Variants in SEMA3B observed in about 807,000 individuals in gnomAD.
SEMA3B encodes the protein semaphorin 3B, also known as semaphorin-3B.
A neutral mutation model predicts 77.8 loss-of-function variants in SEMA3B; 71 were observed. The ratio of observed to expected loss-of-function variants is 0.91; its 90% CI spans 0.75 to 1.11. The LOEUF (loss-of-function observed/expected upper bound fraction) is 1.11. Ranked by LOEUF, SEMA3B falls within the 50% of genes most tolerant of loss-of-function variation. SEMA3B has a pLI of 0.00. For missense variants in SEMA3B, 968 were observed against 1,056.8 expected, an observed-to-expected ratio of 0.92 and a Z score of 1.17; for synonymous variants, 470 against 452.9, an observed-to-expected ratio of 1.04 and a Z score of -0.48.
In SEMA3B at chr3:50,273,266, A is replaced by G. The variant is rs1553705703; in HGVS notation, c.665-32A>G. 1.2e-6 allele frequency: 2 copies of G among 1,603,274 alleles called. No individual in the cohort carries two copies. Among genetic ancestry groups the G allele is most frequent in the East Asian group, 4.5e-5 (2 of 44,546 alleles). ...TCTCGCATCAGGAGGCAAGGCCAGGACCCGCTGACCCATGCCTCCTGCCGC... is the reference window on the plus strand; with the variant it reads ...TCTCGCATCAGGAGGCAAGGCCAGGGCCCGCTGACCCATGCCTCCTGCCGC... On this transcript the variant is annotated intron_variant, in intron 6 of 16. Coordinates refer to ENST00000616701, the MANE Select transcript of SEMA3B (RefSeq NM_001290060.2). This position sits in a 1 kb window ranked among gnomAD's most constrained non-coding sequence, Gnocchi z 6.5.
chr3:50,276,668 C>T lies in SEMA3B; in HGVS notation c.2212C>T (p.Arg738Cys), dbSNP rs782766477. 49 of 1,571,280 alleles carry T rather than the reference C, an allele frequency of 3.1e-5. No homozygotes were observed. The highest frequency in any genetic ancestry group is 4.1e-5 in the Non-Finnish European group (48 of 1,165,626). ...CCGGAGGACCCACGCCCCTGAGCCTCGCGCTGAGCGGGGGCCGCGCAGCGC... is the reference window on the plus strand; with the variant it reads ...CCGGAGGACCCACGCCCCTGAGCCTTGCGCTGAGCGGGGGCCGCGCAGCGC... Reference protein sequence around the residue: ...RNRRTHAPEPRAERGPRSATH... With the variant: ...RNRRTHAPEPCAERGPRSATH... Residue 738 changes from arginine to cysteine, a missense_variant, in exon 17 of 17, where the codon CGC becomes TGC. By Grantham distance (180) the Arg-to-Cys change is radical. Coordinates refer to ENST00000616701, the MANE Select transcript of SEMA3B (RefSeq NM_001290060.2). This position sits in a 1 kb window ranked among gnomAD's most constrained non-coding sequence, Gnocchi z 5.8.
Position 50,270,591 on chromosome 3 carries a change from G to A in SEMA3B, c.330+96G>A, listed in dbSNP as rs892797222. 9.0e-6 allele frequency: 14 copies of A among 1,554,316 alleles called. No individual in the cohort carries two copies. In the African/African-American group the frequency reaches 1.5e-4, roughly 17 times the overall value. On this transcript the variant is annotated intron_variant, in intron 3 of 16. Transcript: ENST00000616701. The surrounding 1 kb of genome is among the most constrained non-coding windows in gnomAD (Gnocchi z 4.7). The stretch of plus-strand genomic sequence containing the variant: ...AACAGAGGCCTGCCTGTTCTGGCTG[G>A]GATGAGGGCAGGGAGGTCGAGGTGG...
upstream of SEMA3B, among the ~76,000 whole-genome samples, chr3:50,268,369 C>T (rs1431156721): frequency 1.3e-5 from 2 of 152,220 alleles, no homozygotes; most frequent in African/African-American, 4.8e-5. Flanking sequence ...CTTGCATGCC[C>T]AGAGACATGT....
In SEMA3B at chr3:50,269,462, ACT is replaced by A. The variant is rs1700985685; in HGVS notation, c.109+116_109+117del. On this transcript the variant is annotated intron_variant, in intron 1 of 16. Coordinates refer to ENST00000616701, the MANE Select transcript of SEMA3B (RefSeq NM_001290060.2). This position sits in a 1 kb window ranked among gnomAD's most constrained non-coding sequence, Gnocchi z 4.0. Reference sequence around the variant, plus strand: ...GCCCCATGTGCGTGCCTGTCACCAGACTCTGGTAGGATTAGTGGGCACTCTCA... The same window carrying A: ...GCCCCATGTGCGTGCCTGTCACCAGACTGGTAGGATTAGTGGGCACTCTCA... 3 of 660,760 alleles carry A rather than the reference ACT, an allele frequency of 4.5e-6. No individual in the cohort carries two copies. The Admixed American group carries it at 9.4e-5, about 21-fold the overall frequency. 40.9% of individuals were successfully genotyped at this position (660,760 alleles called of 1,614,324 possible).
Position 50,273,778 on chromosome 3 carries a change from C to G in SEMA3B, c.942C>G (p.Ser314=), listed in dbSNP as rs1553705891. Residue 314 remains serine, a synonymous_variant, in exon 9 of 17, where the codon TCC becomes TCG. Transcript: ENST00000616701. The surrounding 1 kb of genome is among the most constrained non-coding windows in gnomAD (Gnocchi z 6.5). ...CCGCAGAGGATGTGTTTCTGTTGTC[C>G]TCGCGGGACCACCGGACCCCGCTGC... is the stretch of plus-strand genomic sequence containing the variant. ...FDQLQDVFLL[S]SRDHRTPLLY... 1.9e-6 allele frequency: 3 copies of G among 1,596,016 alleles called. No individual in the cohort carries two copies. The highest frequency in any genetic ancestry group is 3.5e-5 in the Admixed American group (2 of 57,580).
At position 50,274,578 on chromosome 3, in the gene SEMA3B, C is replaced by T. The variant is rs367917587; in HGVS notation, c.1353C>T (p.Gly451=). 2 of 1,534,616 alleles carry T rather than the reference C, an allele frequency of 1.3e-6. No individual in the cohort carries two copies. Among genetic ancestry groups the T allele is most frequent in the African/African-American group, 1.4e-5 (1 of 72,330 alleles). ...ADGHYDVLFI[G]TDVGTVLKVI... is the part of the protein sequence containing the mutation. Reference sequence around the variant, plus strand: ...GACACTATGACGTCCTCTTCATTGGCACAGGTCAGGGTCCCTCCACAGCGA... The same window carrying T: ...GACACTATGACGTCCTCTTCATTGGTACAGGTCAGGGTCCCTCCACAGCGA... The change falls in exon 11 of 17, where the codon GGC becomes GGT. Residue 451 remains glycine, a synonymous_variant. Transcript: ENST00000616701. This position sits in a 1 kb window ranked among gnomAD's most constrained non-coding sequence, Gnocchi z 4.7.
Position 50,274,598 on chromosome 3 carries a change from C to A in SEMA3B, c.1357+16C>A. On this transcript the variant is annotated intron_variant, in intron 11 of 16. Transcript: ENST00000616701. This position sits in a 1 kb window ranked among gnomAD's most constrained non-coding sequence, Gnocchi z 4.7. Reference sequence around the variant, plus strand: ...ATTGGCACAGGTCAGGGTCCCTCCACAGCGACCCCCAGGCTCCCAGCCAGG... The same window carrying A: ...ATTGGCACAGGTCAGGGTCCCTCCAAAGCGACCCCCAGGCTCCCAGCCAGG... The A allele has an allele frequency of 6.6e-7, 1 of 1,517,224 alleles. No individual in the cohort carries two copies. The highest frequency in any genetic ancestry group is 8.8e-7 in the Non-Finnish European group (1 of 1,131,692). The allele number at this position is 1,517,224 out of a possible 1,614,324, so 94.0% of individuals were successfully genotyped here. A position where few individuals can be genotyped will look rare whatever the true frequency, so the allele number is the denominator to read the frequency against.
chr3:50,271,319 A>G, intron 5 of SEMA3B, 42 bp from the exon 6 acceptor site: 1 of 1,553,832 alleles, frequency 6.4e-7, no homozygotes, highest in Non-Finnish European at 8.7e-7. Flanking sequence ...TCCTGCCCCA[A>G]GAGCCCTCCA....
At chr3:50,261,517 A>T in the SEMA3B span, 2 of 152,546 alleles carry the variant, frequency 1.3e-5, no homozygotes, top group Non-Finnish European at 2.9e-5. Flanking sequence ...GAGTAGAGGG[A>T]AACTCAGTGA....
chr3:50,270,650 C>T lies in SEMA3B; in HGVS notation c.330+155C>T. On this transcript the variant is annotated intron_variant, in intron 3 of 16. Coordinates refer to ENST00000616701, the MANE Select transcript of SEMA3B (RefSeq NM_001290060.2). The surrounding 1 kb of genome is among the most constrained non-coding windows in gnomAD (Gnocchi z 4.7). ...TGGGGGTGGTGAGTCAGGGTGGGGG[C>T]TCGTGTAATTCTTCTGGGGTGCCTC... 1 of 1,157,616 alleles carries T rather than the reference C, an allele frequency of 8.6e-7. No individual in the cohort carries two copies. The highest frequency in any genetic ancestry group is 1.2e-6 in the Non-Finnish European group (1 of 826,800). The allele number at this position is 1,157,616 out of a possible 1,614,324, so 71.7% of individuals were successfully genotyped here.
At chr3:50,268,532 CACTA>C (rs1700959699), upstream of SEMA3B, among the ~76,000 whole-genome samples, 2 of 152,368 alleles carry the variant, frequency 1.3e-5, no homozygotes, top group South Asian at 4.1e-4. Context: ...CAATATGACA[CACTA>C]TATATTTGCA....
Position 50,276,093 on chromosome 3 carries a change from C to T in SEMA3B, c.1846-209C>T. 2 of 768,380 alleles carry T rather than the reference C, an allele frequency of 2.6e-6. No homozygotes were observed. The highest frequency in any genetic ancestry group is 4.0e-6 in the Non-Finnish European group (2 of 504,972). 47.6% of individuals were successfully genotyped at this position (768,380 alleles called of 1,614,324 possible). On this transcript the variant is annotated intron_variant, in intron 16 of 16. Transcript: ENST00000616701. This position sits in a 1 kb window ranked among gnomAD's most constrained non-coding sequence, Gnocchi z 5.8. ...CATTAAGGTCCCTGACCACCCCCCA[C>T]CAAGTTCATGTAAACCCCGCCTCTT...
At chr3:50,261,788 C>T in the SEMA3B span, 3 of 152,244 alleles carry the variant, frequency 2.0e-5, no homozygotes, top group Admixed American at 2.0e-4. Flanking sequence ...TTCACCCCAC[C>T]CCACCCAAAC....
Position 50,270,239 on chromosome 3 carries a change from T to C in SEMA3B, c.222T>C (p.His74=), listed in dbSNP as rs782722065. ...GCCTGTTTGTGGGTGCCGAGAACCATGTGGCCTCCCTCAACCTGGACAACA... is the reference window on the plus strand; with the variant it reads ...GCCTGTTTGTGGGTGCCGAGAACCACGTGGCCTCCCTCAACCTGGACAACA... ...RGRLFVGAEN[H]VASLNLDNIS... The change falls in exon 2 of 17, where the codon CAT becomes CAC. Residue 74 remains histidine (H), a synonymous_variant. Coordinates refer to ENST00000616701, the MANE Select transcript of SEMA3B (RefSeq NM_001290060.2). The surrounding 1 kb of genome is among the most constrained non-coding windows in gnomAD (Gnocchi z 4.7). The C allele has an allele frequency of 2.9e-5, 47 of 1,612,904 alleles. No individual in the cohort carries two copies. Among genetic ancestry groups the C allele is most frequent in the Non-Finnish European group, 3.6e-5 (43 of 1,179,578 alleles).
At chr3:50,263,496 C>T (rs1553704162), upstream of SEMA3B, 1 of 75,556 alleles carries the variant, frequency 1.3e-5, no homozygotes, top group African/African-American at 5.4e-5. Context: ...AAGATCCTGT[C>T]TCAAAAAAAA....
chr3:50,271,001 CGGGCAGA>C lies in SEMA3B; in HGVS notation c.445_450+1del. 1.2e-6 allele frequency: 2 copies of C among 1,603,400 alleles called. No individual in the cohort carries two copies. Among genetic ancestry groups the C allele is most frequent in the African/African-American group, 2.7e-5 (2 of 74,824 alleles). Reference sequence around the variant, plus strand: ...CTGTGCCTTTGTGGAAGTGGGCCACCGGGCAGAGGTAAGGCCGGATCTAGGCAGGGAG... The same window carrying C: ...CTGTGCCTTTGTGGAAGTGGGCCACCGGTAAGGCCGGATCTAGGCAGGGAG... On this transcript the variant is annotated frameshift_variant and splice_region_variant, in exon 4 of 17. Coordinates refer to ENST00000616701, the MANE Select transcript of SEMA3B (RefSeq NM_001290060.2). LOFTEE classifies it high-confidence loss of function.
At position 50,270,568 on chromosome 3, in the gene SEMA3B, CAG is replaced by C; in HGVS notation, c.330+76_330+77del. The C allele has an allele frequency of 6.3e-7, 1 of 1,589,240 alleles. No homozygotes were observed. The highest frequency in any genetic ancestry group is 8.6e-7 in the Non-Finnish European group (1 of 1,162,294). On this transcript the variant is annotated intron_variant, in intron 3 of 16. Transcript: ENST00000616701. This position sits in a 1 kb window ranked among gnomAD's most constrained non-coding sequence, Gnocchi z 4.7. ...CCCCAGAGACAGGGCAGGGCTAAAACAGAGGCCTGCCTGTTCTGGCTGGGATG... is the reference window on the plus strand; with the variant it reads ...CCCCAGAGACAGGGCAGGGCTAAAACAGGCCTGCCTGTTCTGGCTGGGATG...
Position 50,276,513 on chromosome 3 carries a change from A to C in SEMA3B, c.2057A>C (p.Lys686Thr). The C allele has an allele frequency of 6.5e-7, 1 of 1,532,714 alleles. No homozygotes were observed. The highest frequency in any genetic ancestry group is 8.7e-7 in the Non-Finnish European group (1 of 1,144,274). 94.9% of individuals were successfully genotyped at this position (1,532,714 alleles called of 1,614,324 possible). ...GCGCCCGCCGCGCCGCCGGGCCCCAAACTCTGGTACCGGGACTTTCTGCAG... is the reference window on the plus strand; with the variant it reads ...GCGCCCGCCGCGCCGCCGGGCCCCACACTCTGGTACCGGGACTTTCTGCAG... ...EAAPAAPPGP[K>T]LWYRDFLQLV... The change falls in exon 17 of 17, where the codon AAA (lysine) becomes ACA (threonine). Residue 686 changes from lysine (K) to threonine (T), a missense_variant. By Grantham distance (78) the Lys-to-Thr change is moderately conservative. Coordinates refer to ENST00000616701, the MANE Select transcript of SEMA3B (RefSeq NM_001290060.2). The surrounding 1 kb of genome is among the most constrained non-coding windows in gnomAD (Gnocchi z 5.8).
Position 50,276,160 on chromosome 3 carries a change from C to A in SEMA3B, c.1846-142C>A. 1 of 1,151,912 alleles carries A rather than the reference C, an allele frequency of 8.7e-7. No individual in the cohort carries two copies. The highest frequency in any genetic ancestry group is 1.2e-6 in the Non-Finnish European group (1 of 848,986). 71.4% of individuals were successfully genotyped at this position (1,151,912 alleles called of 1,614,324 possible). On this transcript the variant is annotated intron_variant, in intron 16 of 16. Coordinates refer to ENST00000616701, the MANE Select transcript of SEMA3B (RefSeq NM_001290060.2). This position sits in a 1 kb window ranked among gnomAD's most constrained non-coding sequence, Gnocchi z 5.8. ...AGACCACCAGCTCCCAAACACTCAGCCTTAAAATGTGCGCCTGCGGGCACC... is the reference window on the plus strand; with the variant it reads ...AGACCACCAGCTCCCAAACACTCAGACTTAAAATGTGCGCCTGCGGGCACC...
Sources: gnomAD v4.1 joint callset for allele counts (sites outside exome capture counted in the v4.1 genomes callset) on GRCh38, gnomAD v4.1.1 for gene constraint, Gnocchi (gnomAD v3.1) non-coding constraint, MANE v1.5 for transcripts, NCBI Gene and HGNC (gene_info 2026-07-23, HGNC 2026-07-21) for gene names.